Variants in ESF1 observed in about 807,000 individuals in gnomAD.
ESF1 encodes ESF1 homolog.
ESF1 carries 58 observed loss-of-function variants against 92.0 expected under a neutral mutation model. The ratio of observed to expected loss-of-function variants is 0.63; its 90% confidence interval spans 0.51 to 0.78. ESF1 has a LOEUF of 0.78. Among genes scored for constraint, ESF1 ranks in the 30% least tolerant of loss-of-function variants. The pLI is 0.00. For missense variants in ESF1, 922 were observed against 989.1 expected (o/e 0.93, Z 0.91); for synonymous variants, 321 against 313.7 (o/e 1.02, Z -0.24).
intron 1 of ESF1, 27 bp downstream of exon 1, chr20:13,784,853 C>A: frequency 1.7e-6 from 1 of 594,660 alleles, no homozygotes; most frequent in South Asian, 2.0e-5. Flanking sequence ...ATCTCGAGCT[C>A]TTCAACTCCA....
chr20:13,733,887 T>C (rs779632787), intron 9 of ESF1, 45 bp from the exon 10 acceptor site: 1 of 1,555,972 alleles, frequency 6.4e-7, no homozygotes, highest in South Asian at 1.2e-5. Context: ...TCTTATTGTC[T>C]GGCAATCACT....
chr20:13,747,861 G>A (rs1169793318), intron 9 of ESF1, among the ~76,000 whole-genome samples: 1 of 152,122 alleles, frequency 6.6e-6, no homozygotes, highest in East Asian at 1.9e-4. Context: ...TACAAACCTA[G>A]ATGTTATAGC....
intron 11 of ESF1, 38 bp from the exon 12 acceptor site, chr20:13,719,022 C>A (rs780493048): frequency 5.5e-6 from 8 of 1,441,812 alleles, no homozygotes; most frequent in Non-Finnish European, 7.6e-6. Flanking sequence ...GTAAAAATTA[C>A]AGGACTATCA....
intron 9 of ESF1, among the ~76,000 whole-genome samples, chr20:13,746,105 T>A (rs560722236): frequency 6.6e-6 from 1 of 152,096 alleles, no homozygotes; most frequent in African/African-American, 2.4e-5. Context: ...GCTGGGATTA[T>A]AGGTGTGTGC....
chr20:13,782,635 TTC>T lies in ESF1; in HGVS notation c.504_505del (p.Asn171HisfsTer23). 1 of 1,608,182 alleles carries T rather than the reference TTC, an allele frequency of 6.2e-7. No homozygotes were observed. The highest frequency in any genetic ancestry group is 8.5e-7 in the Non-Finnish European group (1 of 1,178,570). On this transcript the variant is annotated frameshift_variant, in exon 2 of 14. Transcript: ENST00000617257. LOFTEE classifies it high-confidence loss of function. ...TGTAGTATGTTGAACAATGTTTTTT[TTC>T]TCTTTCTTATTTTTTTGTGTAAATT...
intron 9 of ESF1, among the ~76,000 whole-genome samples, chr20:13,739,764 A>G (rs1425717693): frequency 6.6e-6 from 1 of 151,746 alleles, no homozygotes; most frequent in African/African-American, 2.4e-5. Flanking sequence ...ATATCAAACT[A>G]GATTAGAAGC....
intron 8 of ESF1, among the ~76,000 whole-genome samples, chr20:13,760,777 G>A (rs919490662): frequency 3.4e-5 from 5 of 146,904 alleles, no homozygotes; most frequent in South Asian, 4.4e-4. Flanking sequence ...GCCCCCGCCC[G>A]GCCAGCCACC....
rs145701107 is a variant in ESF1, at chr20:13,764,004, T to A, written c.1666+2773A>T. 3.6e-3 allele frequency among the ~76,000 whole-genome samples: 553 copies of A among 152,270 alleles called. 13 individuals carry two copies. Among genetic ancestry groups the A allele is most frequent in the Admixed American group, 0.034 (515 of 15,292 alleles). On this transcript the variant is annotated intron_variant, in intron 8 of 13. Coordinates refer to ENST00000617257, the MANE Select transcript of ESF1 (RefSeq NM_001276380.2). ...AAAAGAAACAATGATAGGCCAATCATGGGATCTCGAAAACTCAAAAGTTAA... is the reference window on the plus strand; with the variant it reads ...AAAAGAAACAATGATAGGCCAATCAAGGGATCTCGAAAACTCAAAAGTTAA...
intron 4 of ESF1, 21 bp downstream of exon 4, chr20:13,775,136 C>A: frequency 8.1e-6 from 11 of 1,352,426 alleles, no homozygotes; most frequent in South Asian, 2.7e-5. Flanking sequence ...ATATTTATTT[C>A]AAAATGAAAT....
chr20:13,754,054 G>C (rs1879913548), intron 9 of ESF1, among the ~76,000 whole-genome samples: 1 of 152,058 alleles, frequency 6.6e-6, no homozygotes, highest in East Asian at 1.9e-4. Flanking sequence ...CATGGTGCTT[G>C]CAACTTTCTA....
At chr20:13,784,847 C>T in intron 1 of ESF1, 33 bp downstream of exon 1, 3 of 589,404 alleles carry the variant, frequency 5.1e-6, no homozygotes, top group Non-Finnish European at 9.1e-6. Flanking sequence ...CCCTTCATCT[C>T]GAGCTCTTCA....
At chr20:13,751,926 C>T (rs992284872) in intron 9 of ESF1, among the ~76,000 whole-genome samples, 1 of 151,980 alleles carries the variant, frequency 6.6e-6, no homozygotes, top group East Asian at 1.9e-4. Context: ...ACCTACGAGG[C>T]GGAGGTTGCA....
chr20:13,743,911 A>G (rs559676779), intron 9 of ESF1, among the ~76,000 whole-genome samples: 37 of 152,372 alleles, frequency 2.4e-4, no homozygotes, highest in African/African-American at 7.5e-4. Flanking sequence ...TGTCAATTAA[A>G]TATTTTTAAA....
intron 3 of ESF1, 124 bp from the exon 4 acceptor site, chr20:13,775,394 T>C: frequency 3.4e-6 from 2 of 581,802 alleles, no homozygotes; most frequent in Non-Finnish European, 2.9e-6. Context: ...ACAGGAGTTA[T>C]CTAAGCGTAA....
intron 8 of ESF1, among the ~76,000 whole-genome samples, chr20:13,761,112 G>A (rs1220010258): frequency 1.3e-5 from 2 of 152,048 alleles, no homozygotes; most frequent in Non-Finnish European, 2.9e-5. Context: ...AACATGTGCT[G>A]TGTCCACTCA....
intron 9 of ESF1, among the ~76,000 whole-genome samples, chr20:13,751,921 C>T (rs1253791184): frequency 2.0e-5 from 3 of 151,936 alleles, no homozygotes; most frequent in Admixed American, 6.6e-5. Flanking sequence ...CTTGAACCTA[C>T]GAGGCGGAGG....
At chr20:13,762,049 T>G (rs996335395) in intron 8 of ESF1, among the ~76,000 whole-genome samples, 4 of 152,204 alleles carry the variant, frequency 2.6e-5, no homozygotes, top group African/African-American at 9.6e-5. Flanking sequence ...CCTTGTATCT[T>G]TTTTAGTTTT....
At chr20:13,783,824 G>A (rs1015729894) in intron 1 of ESF1, among the ~76,000 whole-genome samples, 1 of 152,090 alleles carries the variant, frequency 6.6e-6, no homozygotes, top group African/African-American at 2.4e-5. Context: ...CCAAAAAAAA[G>A]TAAGAAAGAA....
chr20:13,766,781 T>TA lies in ESF1; in HGVS notation c.1661dup (p.Gln555ThrfsTer3). The stretch of plus-strand genomic sequence containing the variant: ...TCACTGAAAGATTAACAATACCTTG[T>TA]AGCTCCTCTTCTATCTCCTCTTCAT... On this transcript the variant is annotated frameshift_variant, in exon 8 of 14. Transcript: ENST00000617257. LOFTEE classifies it high-confidence loss of function. 1.2e-6 allele frequency: 2 copies of TA among 1,613,354 alleles called. No homozygotes were observed. Among genetic ancestry groups the TA allele is most frequent in the Non-Finnish European group, 1.7e-6 (2 of 1,179,798 alleles).
Sources: gnomAD v4.1 joint callset for allele counts (sites outside exome capture counted in the v4.1 genomes callset) on GRCh38, gnomAD v4.1.1 for gene constraint, MANE v1.5 for transcripts, NCBI Gene and HGNC (gene_info 2026-07-23, HGNC 2026-07-21) for gene names.